Variants in ZIC4 observed in about 807,000 individuals in gnomAD.
The protein encoded by ZIC4 is Zic family zinc finger 4, also known as zinc finger protein ZIC 4.
A neutral mutation model predicts 28.8 loss-of-function variants in ZIC4; 15 were observed. That is an observed-to-expected ratio of 0.52 (90% CI 0.35 to 0.80). The LOEUF is 0.80. ZIC4 is among the 30% of genes least tolerant of loss of function. The probability of loss-of-function intolerance (pLI) is 0.01; values close to 1 mark genes in which losing one functional copy is unlikely to be tolerated. For missense variants in ZIC4, 512 were observed against 467.1 expected, an observed-to-expected ratio of 1.10 and a Z score of -0.89; for synonymous variants, 220 against 198.1, an observed-to-expected ratio of 1.11 and a Z score of -0.93.
chr3:147,404,238 C>A, intron 1 of ZIC4: 1 of 1,444,418 alleles, frequency 6.9e-7, no homozygotes, highest in South Asian at 1.5e-5. Context: ...CCTGTCCACC[C>A]ATAAGGCAGC....
chr3:147,394,119 T>C (rs546322316), intron 3 of ZIC4, among the ~76,000 whole-genome samples: 30 of 126,880 alleles, frequency 2.4e-4, no homozygotes, highest in South Asian at 2.1e-3. Flanking sequence ...TTTTTTTCCC[T>C]CTCTCTCTCT....
chr3:147,400,364 C>T (rs544215043), intron 2 of ZIC4, among the ~76,000 whole-genome samples: 1 of 152,328 alleles, frequency 6.6e-6, no homozygotes, highest in South Asian at 2.1e-4. Flanking sequence ...GTGCCAGCAG[C>T]AAAAGGGCAA....
chr3:147,393,018 CAAAAAAA>C (rs11288626), intron 3 of ZIC4: 1 of 133,228 alleles, frequency 7.5e-6, no homozygotes, highest in African/African-American at 2.8e-5. Flanking sequence ...TCTTCTCTTT[CAAAAAAA>C]AAAAAAAAAT....
At chr3:147,392,132 G>C (rs1052260899) in intron 3 of ZIC4, 2 of 985,628 alleles carry the variant, frequency 2.0e-6, no homozygotes, top group Non-Finnish European at 2.4e-6. Flanking sequence ...CCTGGCTGTC[G>C]GGCCTCTCGG....
chr3:147,402,667 A>AG (rs1559965385), intron 2 of ZIC4, 61 bp downstream of exon 2: 17 of 1,456,066 alleles, frequency 1.2e-5, no homozygotes, highest in Admixed American at 4.4e-5. Flanking sequence ...TAAAAAAAAA[A>AG]AAGAAGAAGA....
intron 2 of ZIC4, among the ~76,000 whole-genome samples, chr3:147,402,508 G>A (rs1208825923): frequency 6.6e-6 from 1 of 152,128 alleles, no homozygotes; most frequent in Non-Finnish European, 1.5e-5. Context: ...CATTGAGGGG[G>A]ATTAGCTGGC....
At chr3:147,398,368 G>A (rs1001418325) in intron 2 of ZIC4, among the ~76,000 whole-genome samples, 4 of 152,110 alleles carry the variant, frequency 2.6e-5, no homozygotes, top group African/African-American at 7.2e-5. Context: ...CCCCTTCCAG[G>A]CTCTGAGAGG....
At chr3:147,404,150 A>G (rs1317874357) in intron 1 of ZIC4, 1 of 1,530,524 alleles carries the variant, frequency 6.5e-7, no homozygotes, top group East Asian at 2.4e-5. Flanking sequence ...CTGGCATGGA[A>G]AAGTCCTGGT....
intron 3 of ZIC4, 111 bp downstream of exon 3, chr3:147,395,741 A>G: frequency 6.7e-7 from 1 of 1,491,896 alleles, no homozygotes. Flanking sequence ...GGCTCATGGA[A>G]ACAACCCCAA....
At chr3:147,389,219 T>C in intron 4 of ZIC4, 1 of 290,174 alleles carries the variant, frequency 3.4e-6, no homozygotes, top group Non-Finnish European at 6.4e-6. Context: ...GAAGACTGCA[T>C]TTTTTATTTG....
At position 147,391,145 on chromosome 3, in the gene ZIC4, A is replaced by G. The variant is rs896918367; in HGVS notation, c.790T>C (p.Tyr264His). The G allele has an allele frequency of 5.0e-6, 8 of 1,613,684 alleles. No homozygotes were observed. The African/African-American group carries it at 1.1e-4, about 22-fold the overall frequency. Residue 264 changes from tyrosine (Y) to histidine (H), a missense_variant, in exon 4 of 5, where the codon TAC (tyrosine) becomes CAC (histidine). By Grantham distance (83) the Tyr-to-His change is moderately conservative. This residue lies in a region of ZIC4 where 144 missense variants were observed against 116.8 expected (regional missense o/e 1.23). Coordinates refer to ENST00000383075, the MANE Select transcript of ZIC4 (RefSeq NM_032153.6). ...HSHVHTSDKP[Y>H]TCKVRGCDKC... ...TCGCAGCCCCGCACCTTGCACGTGT[A>G]TGGCTTGTCGCTAGTGTGCACGTGC... is the stretch of plus-strand genomic sequence containing the variant.
At chr3:147,401,953 C>T (rs75136694) in intron 2 of ZIC4, among the ~76,000 whole-genome samples, 6,819 of 152,228 alleles carry the variant, frequency 0.045, 217 homozygotes, top group Non-Finnish European at 0.067. Context: ...GAGACTTTTG[C>T]CATTAAATCA....
chr3:147,390,440 C>G (rs1264924869), intron 4 of ZIC4, among the ~76,000 whole-genome samples: 1 of 152,048 alleles, frequency 6.6e-6, no homozygotes. Context: ...GCCCAGTCCT[C>G]GAGAAAAATA....
intron 2 of ZIC4, chr3:147,397,180 C>T (rs2087066954): frequency 6.6e-6 from 1 of 152,152 alleles, no homozygotes. Flanking sequence ...CTGCACACTA[C>T]AGAAGTAGCA....
chr3:147,398,202 T>C (rs780900155), intron 2 of ZIC4, among the ~76,000 whole-genome samples: 4 of 152,234 alleles, frequency 2.6e-5, no homozygotes, highest in Admixed American at 6.5e-5. Flanking sequence ...TCAGGGATCC[T>C]GAGCGCTATA....
At position 147,396,609 on chromosome 3, in the gene ZIC4, G is replaced by A; in HGVS notation, c.71-140C>T. 2 of 1,146,406 alleles carry A rather than the reference G, an allele frequency of 1.7e-6. No individual in the cohort carries two copies. Among genetic ancestry groups the A allele is most frequent in the Non-Finnish European group, 2.3e-6 (2 of 856,708 alleles). The allele number at this position is 1,146,406 out of a possible 1,614,324, so 71.0% of individuals were successfully genotyped here. ...TGGAACTCAGAGCCAGACAGCGCCA[G>A]CAGTGAACCCGGTGGACAGAGCAAG... On this transcript the variant is annotated intron_variant, in intron 2 of 4. Transcript: ENST00000383075. The surrounding 1 kb of genome is among the most constrained non-coding windows in gnomAD (Gnocchi z 4.2).
intron 2 of ZIC4, among the ~76,000 whole-genome samples, chr3:147,398,014 G>C (rs1050828368): frequency 1.3e-5 from 2 of 152,060 alleles, no homozygotes; most frequent in African/African-American, 2.4e-5. Flanking sequence ...GACCAGGGAC[G>C]GGATTAGGCG....
At position 147,396,421 on chromosome 3, in the gene ZIC4, G is replaced by A. The variant is rs2107975133; in HGVS notation, c.119C>T (p.Pro40Leu). ...HGPQLTAASS[P>L]SVFPGLHEEP... ...CTCGTGGAGGCCCGGGAACACCGAG[G>A]GGCTGGAGGCGGCGGTGAGCTGGGG... Residue 40 changes from proline (P) to leucine (L), a missense_variant, in exon 3 of 5, where the codon CCC (proline) becomes CTC (leucine). Transcript: ENST00000383075. This position sits in a 1 kb window ranked among gnomAD's most constrained non-coding sequence, Gnocchi z 4.2. 1 of 1,522,524 alleles carries A rather than the reference G, an allele frequency of 6.6e-7. No homozygotes were observed. The highest frequency in any genetic ancestry group is 8.8e-7 in the Non-Finnish European group (1 of 1,139,138). 94.3% of individuals were successfully genotyped at this position (1,522,524 alleles called of 1,614,324 possible).
intron 4 of ZIC4, 91 bp downstream of exon 4, chr3:147,390,840 G>C (rs924012183): frequency 2.8e-6 from 4 of 1,447,558 alleles, no homozygotes; most frequent in Non-Finnish European, 3.7e-6. Context: ...TACCGGAGGC[G>C]GCGGCGGCAG....
Sources: gnomAD v4.1 joint callset for allele counts (sites outside exome capture counted in the v4.1 genomes callset) on GRCh38, gnomAD v4.1.1 for gene constraint, gnomAD v4.1.1 regional missense constraint, Gnocchi (gnomAD v3.1) non-coding constraint, MANE v1.5 for transcripts, NCBI Gene and HGNC (gene_info 2026-07-23, HGNC 2026-07-21) for gene names.